The following URB1 variants were observed in gnomAD, a reference collection of about 807,000 sequenced individuals.
URB1 encodes URB1 ribosome biogenesis factor, also known as nucleolar pre-ribosomal-associated protein 1.
Under a neutral mutation model 242.3 loss-of-function variants are expected in URB1, and 197 were observed. The observed-to-expected ratio is 0.81, with a 90% CI of 0.72 to 0.91. The LOEUF is 0.91. Among genes scored for constraint, URB1 ranks in the 40% least tolerant of loss-of-function variants. URB1 has a pLI of 0.00. For missense variants in URB1, 2,721 were observed against 2,860.5 expected, an observed-to-expected ratio of 0.95 and a Z score of 1.11; for synonymous variants, 1,153 against 1,201.8, an observed-to-expected ratio of 0.96 and a Z score of 0.84.
At chr21:32,338,924 A>G in intron 25 of URB1, 24 bp from the exon 26 acceptor site, 1 of 1,505,284 alleles carries the variant, frequency 6.6e-7, no homozygotes, top group Non-Finnish European at 8.9e-7. Flanking sequence ...GTCAAAGGGA[A>G]AAGAGCTTTG....
chr21:32,373,518 C>A lies in URB1; in HGVS notation c.876+129G>T, dbSNP rs536601981. On this transcript the variant is annotated intron_variant, in intron 7 of 38. Coordinates refer to ENST00000382751, the MANE Select transcript of URB1 (RefSeq NM_014825.3). ...GCAGAGGGTTAATACAACCATATAA[C>A]CACAGTCAAAAGAAACAGATCAAAT... 9.5e-5 allele frequency: 103 copies of A among 1,086,230 alleles called. 1 individual carries two copies. The East Asian group carries it at 2.5e-3, about 26-fold the overall frequency. The allele number at this position is 1,086,230 out of a possible 1,614,324, so 67.3% of individuals were successfully genotyped here.
intron 24 of URB1, among the ~76,000 whole-genome samples, chr21:32,343,550 G>T (rs2033053517): frequency 6.6e-6 from 1 of 152,222 alleles, no homozygotes; most frequent in Non-Finnish European, 1.5e-5. Context: ...AGATGCACAA[G>T]AAACTTTCTG....
At chr21:32,337,621 C>T in intron 26 of URB1, 107 bp from the exon 27 acceptor site, 15 of 850,822 alleles carry the variant, frequency 1.8e-5, no homozygotes, top group Non-Finnish European at 2.8e-5. Context: ...AAATCTCCTC[C>T]TCTGAATAAT....
At chr21:32,353,469 C>A (rs775809585) in intron 18 of URB1, among the ~76,000 whole-genome samples, 1 of 152,156 alleles carries the variant, frequency 6.6e-6, no homozygotes. Flanking sequence ...TAGAAACAGA[C>A]CCTTATTTAT....
chr21:32,316,823 CG>C lies in URB1; in HGVS notation c.6276del (p.Val2093TyrfsTer53). ...SASPESDAPG[P>X]VYAAASLAVS... ...ACTGCCAGGGAAGCGGCAGCATATA[CG>C]GGGCCTGGCGCATCGCTCTCGGGGC... On this transcript the variant is annotated frameshift_variant, in exon 38 of 39. Coordinates refer to ENST00000382751, the MANE Select transcript of URB1 (RefSeq NM_014825.3). LOFTEE classifies it high-confidence loss of function. 1 of 1,546,666 alleles carries C rather than the reference CG, an allele frequency of 6.5e-7. No individual in the cohort carries two copies. The highest frequency in any genetic ancestry group is 1.4e-5 in the African/African-American group (1 of 73,070).
chr21:32,347,145 T>C lies in URB1; in HGVS notation c.3679A>G (p.Thr1227Ala). 6.5e-7 allele frequency: 1 copy of C among 1,548,982 alleles called. No homozygotes were observed. The highest frequency in any genetic ancestry group is 8.7e-7 in the Non-Finnish European group (1 of 1,146,230). Residue 1227 changes from threonine (T) to alanine (A), a missense_variant, in exon 22 of 39, where the codon ACA (threonine) becomes GCA (alanine). Physicochemically the swap from Thr to Ala is moderately conservative, Grantham distance 58. Coordinates refer to ENST00000382751, the MANE Select transcript of URB1 (RefSeq NM_014825.3). ...GCAGCGATGCTGAGGGCCGCCTGTG[T>C]GCGCCGGGCCAGGCAGTAGTCAAGC... The part of the protein sequence containing the change: ...DLLDYCLARR[T>A]QAALSIAALL...
chr21:32,327,262 T>C (rs2032840722), intron 30 of URB1, among the ~76,000 whole-genome samples: 1 of 152,112 alleles, frequency 6.6e-6, no homozygotes, highest in Admixed American at 6.5e-5. Context: ...TACAGAAGAA[T>C]GAAGATAAGA....
intron 12 of URB1, 56 bp from the exon 13 acceptor site, chr21:32,361,179 G>GAAAGAAAGAAAGAAAGAAAC: frequency 1.3e-6 from 1 of 761,966 alleles, no homozygotes; most frequent in Non-Finnish European, 2.0e-6. Context: ...AAGAAAGAAA[G>GAAAGAAAGAAAGAAAGAAAC]AAAGAAAGAA....
chr21:32,323,667 A>C (rs575721545), intron 32 of URB1, among the ~76,000 whole-genome samples: 1 of 152,096 alleles, frequency 6.6e-6, no homozygotes, highest in Non-Finnish European at 1.5e-5. Flanking sequence ...AGGCACTTAC[A>C]TGTGTGTTAG....
chr21:32,356,895 G>A (rs2033227343), intron 15 of URB1, among the ~76,000 whole-genome samples: 1 of 152,226 alleles, frequency 6.6e-6, no homozygotes, highest in South Asian at 2.1e-4. Flanking sequence ...ACCTATGGAG[G>A]TCAAGACTTA....
In URB1 at chr21:32,363,341, A is replaced by G. The variant is rs919405211; in HGVS notation, c.1336-12T>C. 2 of 1,550,106 alleles carry G rather than the reference A, an allele frequency of 1.3e-6. No individual in the cohort carries two copies. The highest frequency in any genetic ancestry group is 1.2e-5 in the South Asian group (1 of 84,016). On this transcript the variant is annotated splice_polypyrimidine_tract_variant and intron_variant, in intron 10 of 38. Coordinates refer to ENST00000382751, the MANE Select transcript of URB1 (RefSeq NM_014825.3). Reference sequence around the variant, plus strand: ...GAGGTGCTGTCCAACTGGGAAGAAAAAGAGTTAAATGCACACATGTCTCTA... The same window carrying G: ...GAGGTGCTGTCCAACTGGGAAGAAAGAGAGTTAAATGCACACATGTCTCTA...
chr21:32,345,611 C>T, intron 22 of URB1, 36 bp from the exon 23 acceptor site: 1 of 1,499,862 alleles, frequency 6.7e-7, no homozygotes, highest in Non-Finnish European at 9.0e-7. Flanking sequence ...TCATCACACC[C>T]AATGGTGGGC....
rs1298081021 is a variant in URB1, at chr21:32,360,997, T to C, written c.1756+10A>G. ...CAGTGGCGGCTTGTCTGCAAGACCT[T>C]GAAACCCACCTTTCAGGAGCTTGCT... On this transcript the variant is annotated intron_variant, in intron 13 of 38. Transcript: ENST00000382751. 6.5e-7 allele frequency: 1 copy of C among 1,540,304 alleles called. No homozygotes were observed. Among genetic ancestry groups the C allele is most frequent in the Non-Finnish European group, 8.8e-7 (1 of 1,141,874 alleles).
chr21:32,376,542 G>A (rs1282190167), intron 5 of URB1, among the ~76,000 whole-genome samples: 2 of 144,098 alleles, frequency 1.4e-5, no homozygotes, highest in African/African-American at 4.9e-5. Flanking sequence ...ATGTATTCAT[G>A]CTACTCTATT....
At chr21:32,343,591 T>TG (rs34295892) in intron 24 of URB1, among the ~76,000 whole-genome samples, 1 of 152,158 alleles carries the variant, frequency 6.6e-6, no homozygotes, top group African/African-American at 2.4e-5. Flanking sequence ...GATAGGAATG[T>TG]GGGGTACACA....
intron 25 of URB1, among the ~76,000 whole-genome samples, chr21:32,340,814 G>T (rs1333048093): frequency 6.6e-6 from 1 of 152,086 alleles, no homozygotes; most frequent in East Asian, 1.9e-4. Flanking sequence ...AGAGAGATGT[G>T]ATGTAAAGGG....
chr21:32,338,621 G>A, intron 26 of URB1, 86 bp downstream of exon 26: 1 of 1,423,624 alleles, frequency 7.0e-7, no homozygotes, highest in Non-Finnish European at 9.7e-7. Flanking sequence ...GAGAGCCGGA[G>A]GGAGATGAGC....
At position 32,372,519 on chromosome 21, in the gene URB1, C is replaced by A; in HGVS notation, c.989G>T (p.Gly330Val). Residue 330 changes from glycine (G) to valine (V), a missense_variant, in exon 8 of 39, where the codon GGT (glycine) becomes GTT (valine). Transcript: ENST00000382751. The stretch of plus-strand genomic sequence containing the variant: ...TGTTATACTTTACCTGCCAAAGGTA[C>A]CCAAAGATGCATCGTAAAAATTAAT... ...HGINFYDASL[G>V]TFGRGGNLTL... 1.9e-6 allele frequency: 3 copies of A among 1,551,430 alleles called. No homozygotes were observed. The highest frequency in any genetic ancestry group is 2.6e-6 in the Non-Finnish European group (3 of 1,146,952).
Position 32,321,822 on chromosome 21 carries a change from C to G in URB1, c.5463G>C (p.Pro1821=), listed in dbSNP as rs3827177. Residue 1821 remains proline, a synonymous_variant, in exon 34 of 39, where the codon CCG becomes CCC. Coordinates refer to ENST00000382751, the MANE Select transcript of URB1 (RefSeq NM_014825.3). ...FHIILSFFHS[P]LCDEAAQNWI... The stretch of plus-strand genomic sequence containing the variant: ...GTACCTGTGCTGCCTCGTCACACAG[C>G]GGGCTGTGGAAGAAGGACAGGATGA... 2 of 1,551,648 alleles carry G rather than the reference C, an allele frequency of 1.3e-6. No homozygotes were observed. Among genetic ancestry groups the G allele is most frequent in the Admixed American group, 3.9e-5 (2 of 50,988 alleles).
Sources: gnomAD v4.1 joint callset for allele counts (sites outside exome capture counted in the v4.1 genomes callset) on GRCh38, gnomAD v4.1.1 for gene constraint, MANE v1.5 for transcripts, NCBI Gene and HGNC (gene_info 2026-07-23, HGNC 2026-07-21) for gene names.